Variants in CNTN5 observed in about 807,000 individuals in gnomAD.
CNTN5 encodes the protein contactin 5, also known as contactin-5.
Under a neutral mutation model 129.1 loss-of-function variants are expected in CNTN5, and 77 were observed. The observed-to-expected ratio is 0.60, with a 90% CI of 0.50 to 0.72. The LOEUF (loss-of-function observed/expected upper bound fraction) is 0.72. Among genes scored for constraint, CNTN5 ranks in the 30% least tolerant of loss-of-function variants. CNTN5 has a pLI of 0.00. For missense variants in CNTN5, 1,478 were observed against 1,328.8 expected (o/e 1.11, Z -1.75); for synonymous variants, 509 against 465.6 (o/e 1.09, Z -1.20).
intron 1 of CNTN5, among the ~76,000 whole-genome samples, chr11:99,101,329 C>T (rs1866725510): frequency 2.0e-5 from 3 of 152,142 alleles, no homozygotes; most frequent in Admixed American, 2.0e-4. Context: ...TCCCTGGCCT[C>T]TCCCAAATCT....
intron 15 of CNTN5, among the ~76,000 whole-genome samples, chr11:100,217,851 C>A (rs1230934796): frequency 6.6e-6 from 1 of 152,154 alleles, no homozygotes; most frequent in Non-Finnish European, 1.5e-5. Flanking sequence ...AGAGGAATTT[C>A]TCATAACTTT....
chr11:99,976,713 T>A (rs1937998136), intron 8 of CNTN5, among the ~76,000 whole-genome samples: 1 of 152,208 alleles, frequency 6.6e-6, no homozygotes, highest in Non-Finnish European at 1.5e-5. Flanking sequence ...ACAGTGCAAC[T>A]GGCCACCAGG....
intron 8 of CNTN5, among the ~76,000 whole-genome samples, chr11:100,001,703 T>G (rs1939886134): frequency 6.6e-6 from 1 of 152,224 alleles, no homozygotes; most frequent in Non-Finnish European, 1.5e-5. Context: ...ATAAGAAAAT[T>G]TTGATAACTT....
At chr11:99,598,355 TCTCTCTCTCTCTCTCTCTCC>T (rs1311912687) in intron 3 of CNTN5, among the ~76,000 whole-genome samples, 746 of 51,842 alleles carry the variant, frequency 0.014, 170 homozygotes, top group Non-Finnish European at 0.018. Flanking sequence ...TCTCTCTCTC[TCTCTCTCTCTCTCTCTCTCC>T]CTCTCTCTCT....
At chr11:99,465,358 C>T (rs907931503) in intron 2 of CNTN5, among the ~76,000 whole-genome samples, 4 of 152,112 alleles carry the variant, frequency 2.6e-5, no homozygotes, top group African/African-American at 7.2e-5. Flanking sequence ...TTTTCTAAAC[C>T]CTATGAAATA....
At chr11:99,940,534 G>T (rs1307268546) in intron 7 of CNTN5, among the ~76,000 whole-genome samples, 1 of 152,010 alleles carries the variant, frequency 6.6e-6, no homozygotes, top group African/African-American at 2.4e-5. Flanking sequence ...GTTTATTTAG[G>T]TACAGTATTA....
At chr11:100,345,866 G>C (rs1485747648) in intron 23 of CNTN5, among the ~76,000 whole-genome samples, 1 of 152,052 alleles carries the variant, frequency 6.6e-6, no homozygotes, top group Admixed American at 6.6e-5. Context: ...AACAAGTAAG[G>C]ACTAAAAGCA....
At chr11:99,942,838 C>T (rs1463775312) in intron 7 of CNTN5, among the ~76,000 whole-genome samples, 1 of 152,028 alleles carries the variant, frequency 6.6e-6, no homozygotes, top group Non-Finnish European at 1.5e-5. Context: ...TCATCCATGT[C>T]CCTACAAAGG....
chr11:99,021,943 A>T (rs999203948), intron 1 of CNTN5, among the ~76,000 whole-genome samples: 8 of 152,230 alleles, frequency 5.3e-5, no homozygotes, highest in Non-Finnish European at 7.3e-5. Flanking sequence ...AATTACTCTG[A>T]TGACCTGAAC....
At chr11:99,131,249 G>GAAAAAAAAAAAAAA (rs71046664) in intron 1 of CNTN5, among the ~76,000 whole-genome samples, 7 of 67,174 alleles carry the variant, frequency 1.0e-4, no homozygotes, top group Admixed American at 2.4e-4. Context: ...CTCCATCTCA[G>GAAAAAAAAAAAAAA]AAAAAAAAAA....
intron 8 of CNTN5, among the ~76,000 whole-genome samples, chr11:99,971,569 C>A (rs4237599): frequency 0.99 from 150,003 of 151,272 alleles, 74,395 homozygotes; most frequent in South Asian, 1. Flanking sequence ...AACAAACAAA[C>A]AAAAAACTCT....
chr11:99,759,046 CG>C (rs2135267449), intron 3 of CNTN5, among the ~76,000 whole-genome samples: 2 of 152,052 alleles, frequency 1.3e-5, no homozygotes, highest in African/African-American at 4.8e-5. Flanking sequence ...TATTTTAAGT[CG>C]GTACAAGTTG....
chr11:99,694,441 T>C (rs1175272597), intron 3 of CNTN5, among the ~76,000 whole-genome samples: 2 of 152,184 alleles, frequency 1.3e-5, no homozygotes, highest in Admixed American at 6.5e-5. Context: ...GACCCTGCTA[T>C]ACATAATATG....
At chr11:99,040,069 G>A (rs115490347) in intron 1 of CNTN5, among the ~76,000 whole-genome samples, 1 of 152,184 alleles carries the variant, frequency 6.6e-6, no homozygotes, top group African/African-American at 2.4e-5. Context: ...GCAAATATTT[G>A]CTCAGCAGCA....
At chr11:99,886,027 G>A (rs1279028164) in intron 6 of CNTN5, among the ~76,000 whole-genome samples, 2 of 151,894 alleles carry the variant, frequency 1.3e-5, no homozygotes, top group Non-Finnish European at 2.9e-5. Context: ...AGATCACTAG[G>A]AAAATGTGTA....
chr11:100,227,412 A>C (rs1949400239), intron 16 of CNTN5, among the ~76,000 whole-genome samples: 1 of 152,110 alleles, frequency 6.6e-6, no homozygotes, highest in Non-Finnish European at 1.5e-5. Flanking sequence ...TCTGAGTAGT[A>C]ATGTTCCCTG....
intron 10 of CNTN5, among the ~76,000 whole-genome samples, chr11:100,062,500 A>G (rs761462173): frequency 1.3e-5 from 2 of 152,226 alleles, no homozygotes; most frequent in African/African-American, 4.8e-5. Flanking sequence ...GTACTGCTCT[A>G]CATGCCAGCA....
chr11:100,151,666 C>T (rs1057312101), intron 13 of CNTN5, among the ~76,000 whole-genome samples: 12 of 152,164 alleles, frequency 7.9e-5, no homozygotes, highest in South Asian at 2.1e-4. Flanking sequence ...AATCTATTCC[C>T]GCTCTACCTA....
chr11:99,058,491 G>T (rs1019850105), intron 1 of CNTN5, among the ~76,000 whole-genome samples: 3 of 151,914 alleles, frequency 2.0e-5, no homozygotes, highest in African/African-American at 7.3e-5. Context: ...CAATATTAGA[G>T]TTAGGGAGCT....
Sources: allele counts gnomAD v4.1 joint callset (sites outside exome capture counted in the v4.1 genomes callset), GRCh38; gene constraint gnomAD v4.1.1; transcripts MANE v1.5; gene names NCBI Gene and HGNC (gene_info 2026-07-23, HGNC 2026-07-21).